Variants in MYCBP2 observed in about 807,000 individuals in gnomAD.
The protein encoded by MYCBP2 is MYC binding protein 2.
In MYCBP2, 120 loss-of-function variants were observed where a neutral mutation model predicts 525.3. The observed-to-expected ratio is 0.23, with a 90% CI of 0.20 to 0.27. The LOEUF (loss-of-function observed/expected upper bound fraction) is 0.27, where lower values mean the gene tolerates loss of function less well. MYCBP2 is among the 10% of genes least tolerant of loss of function. The pLI, the probability that MYCBP2 is intolerant of heterozygous loss-of-function variation, is 1.00. For synonymous variants in MYCBP2, 1,894 were observed against 1,955.8 expected (o/e 0.97, Z 0.83); for missense variants, 4,149 against 5,657.1 (o/e 0.73, Z 8.55).
intron 43 of MYCBP2, among the ~76,000 whole-genome samples, chr13:77,162,445 A>T (rs921614393): frequency 1.8e-4 from 27 of 152,126 alleles, no homozygotes; most frequent in African/African-American, 6.5e-4. Context: ...TCTTTCTTTG[A>T]TAGTTTAATT....
intron 80 of MYCBP2, 76 bp downstream of exon 80, chr13:77,055,482 C>T: frequency 8.6e-7 from 1 of 1,162,128 alleles, no homozygotes; most frequent in South Asian, 1.4e-5. Context: ...AATTAGATAT[C>T]ACTGTACAAT....
chr13:77,240,206 C>T (rs1298223059), intron 17 of MYCBP2, among the ~76,000 whole-genome samples: 1 of 152,044 alleles, frequency 6.6e-6, no homozygotes, highest in Non-Finnish European at 1.5e-5. Context: ...TTTTTAATTA[C>T]TTAATACAGT....
At chr13:77,107,892 T>G (rs1251282046) in intron 55 of MYCBP2, among the ~76,000 whole-genome samples, 3 of 152,136 alleles carry the variant, frequency 2.0e-5, no homozygotes, top group South Asian at 2.1e-4. Flanking sequence ...TGTAGTAAAC[T>G]TAGGAGGAAT....
intron 68 of MYCBP2, among the ~76,000 whole-genome samples, chr13:77,074,390 T>C (rs1032069914): frequency 6.6e-6 from 1 of 152,186 alleles, no homozygotes; most frequent in Admixed American, 6.5e-5. Context: ...AATATCTGTG[T>C]GACCTTGGGT....
intron 40 of MYCBP2, 61 bp downstream of exon 40, chr13:77,168,367 T>C (rs867209228): frequency 7.1e-5 from 98 of 1,379,332 alleles, no homozygotes; most frequent in South Asian, 6.9e-4. Flanking sequence ...TTCTTTAAGA[T>C]ATCATCAGAG....
intron 26 of MYCBP2, among the ~76,000 whole-genome samples, chr13:77,201,557 C>T (rs2062564812): frequency 6.6e-6 from 1 of 151,752 alleles, no homozygotes; most frequent in East Asian, 1.9e-4. Flanking sequence ...TAGACATCTA[C>T]AGAACTCTCC....
intron 55 of MYCBP2, 112 bp from the exon 56 acceptor site, chr13:77,099,125 C>T: frequency 7.5e-7 from 1 of 1,325,308 alleles, no homozygotes; most frequent in Non-Finnish European, 1.0e-6. Context: ...TATTGTTTGT[C>T]ATACATACTA....
At chr13:77,195,391 G>A (rs1292710303) in intron 26 of MYCBP2, among the ~76,000 whole-genome samples, 4 of 152,158 alleles carry the variant, frequency 2.6e-5, no homozygotes, top group Non-Finnish European at 5.9e-5. Flanking sequence ...GAGGTCACGA[G>A]TTTGACACCA....
At position 77,263,808 on chromosome 13, in the gene MYCBP2, C is replaced by T; in HGVS notation, c.1432-19G>A. ...AGCCATCCTAAGAAAAATAAAACAT[C>T]CACAGCATTACATTACATAAAGAGG... On this transcript the variant is annotated intron_variant, in intron 9 of 82. Coordinates refer to ENST00000544440, the MANE Select transcript of MYCBP2 (RefSeq NM_015057.5). 1 of 1,612,452 alleles carries T rather than the reference C, an allele frequency of 6.2e-7. No individual in the cohort carries two copies. Among genetic ancestry groups the T allele is most frequent in the Non-Finnish European group, 8.5e-7 (1 of 1,179,098 alleles).
chr13:77,145,239 G>A (rs1446101442), intron 48 of MYCBP2, among the ~76,000 whole-genome samples: 3 of 152,086 alleles, frequency 2.0e-5, no homozygotes, highest in African/African-American at 7.2e-5. Context: ...CAAGTTCAAT[G>A]GTCACTTCAT....
rs961571073 is a variant in MYCBP2, at chr13:77,081,154, G to A, written c.11418+273C>T. The A allele has an allele frequency of 1.2e-5, 4 of 334,414 alleles. No individual in the cohort carries two copies. The highest frequency in any genetic ancestry group is 1.1e-5 in the Non-Finnish European group (2 of 185,256). 20.7% of individuals were successfully genotyped at this position (334,414 alleles called of 1,614,324 possible). On this transcript the variant is annotated intron_variant, in intron 65 of 82. Coordinates refer to ENST00000544440, the MANE Select transcript of MYCBP2 (RefSeq NM_015057.5). The surrounding 1 kb of genome is among the most constrained non-coding windows in gnomAD (Gnocchi z 4.6). Reference sequence around the variant, plus strand: ...ACGGGAAAATCTTAACCAAGGGAATGGCAGCAGAAAATTGTAGAGCAGACT... The same window carrying A: ...ACGGGAAAATCTTAACCAAGGGAATAGCAGCAGAAAATTGTAGAGCAGACT...
chr13:77,123,768 G>A (rs2051161166), intron 54 of MYCBP2, among the ~76,000 whole-genome samples: 1 of 152,098 alleles, frequency 6.6e-6, no homozygotes, highest in South Asian at 2.1e-4. Flanking sequence ...AAGTCCTTTA[G>A]AAGTCACCTA....
At chr13:77,172,187 C>G (rs1199092816) in intron 37 of MYCBP2, among the ~76,000 whole-genome samples, 2 of 152,006 alleles carry the variant, frequency 1.3e-5, no homozygotes, top group East Asian at 3.9e-4. Flanking sequence ...GAGTGAGCCG[C>G]GCACCCAGCT....
intron 28 of MYCBP2, 118 bp downstream of exon 28, chr13:77,191,560 AT>A (rs1277429283): frequency 3.4e-6 from 4 of 1,182,112 alleles, no homozygotes; most frequent in Non-Finnish European, 3.5e-6. Context: ...TTTAGCAGTT[AT>A]ATTATGCTCT....
chr13:77,102,997 A>G (rs1464153927), intron 55 of MYCBP2, among the ~76,000 whole-genome samples: 2 of 152,072 alleles, frequency 1.3e-5, no homozygotes, highest in Non-Finnish European at 2.9e-5. Flanking sequence ...CTATAGATGT[A>G]ATAAACATGC....
intron 74 of MYCBP2, 137 bp downstream of exon 74, chr13:77,062,459 C>T (rs1470856680): frequency 4.1e-6 from 3 of 722,992 alleles, no homozygotes; most frequent in Admixed American, 5.2e-5. Context: ...TGAACTTGGC[C>T]GAAGGGACAC....
At chr13:77,116,423 C>A (rs1459922915) in intron 55 of MYCBP2, among the ~76,000 whole-genome samples, 3 of 151,884 alleles carry the variant, frequency 2.0e-5, no homozygotes, top group African/African-American at 7.2e-5. Context: ...CCACATTTAC[C>A]TTTCCCAACA....
At position 77,296,641 on chromosome 13, in the gene MYCBP2, T is replaced by C. The variant is rs2078217505; in HGVS notation, c.336A>G (p.Lys112=). The C allele has an allele frequency of 4.6e-6, 7 of 1,526,362 alleles. No individual in the cohort carries two copies. The highest frequency in any genetic ancestry group is 6.2e-6 in the Non-Finnish European group (7 of 1,124,140). The allele number at this position is 1,526,362 out of a possible 1,614,324, so 94.6% of individuals were successfully genotyped here. A position where few individuals can be genotyped will look rare whatever the true frequency, so the allele number is the denominator to read the frequency against. ...NKKILNKKKL[K]RKQKSKSKVK... The stretch of plus-strand genomic sequence containing the variant: ...CTTTTGATTTGCTCTTCTGTTTTCT[T>C]TTCAATTTCTTCTTATTTAAAATTT... Residue 112 remains lysine, a synonymous_variant, in exon 2 of 83, where the codon AAA becomes AAG. Coordinates refer to ENST00000544440, the MANE Select transcript of MYCBP2 (RefSeq NM_015057.5).
chr13:77,061,101 A>G, intron 76 of MYCBP2, 68 bp downstream of exon 76: 2 of 1,479,900 alleles, frequency 1.4e-6, no homozygotes, highest in South Asian at 2.8e-5. Flanking sequence ...TCACAGTTTA[A>G]TCAGTTGGCA....
Sources: gnomAD v4.1 joint callset for allele counts (sites outside exome capture counted in the v4.1 genomes callset) on GRCh38, gnomAD v4.1.1 for gene constraint, Gnocchi (gnomAD v3.1) non-coding constraint, MANE v1.5 for transcripts, NCBI Gene and HGNC (gene_info 2026-07-23, HGNC 2026-07-21) for gene names.